The following LCA5L variants were observed in gnomAD, a reference collection of about 807,000 sequenced individuals.
LCA5L encodes the protein lebercilin-like protein.
A neutral mutation model predicts 45.4 loss-of-function variants in LCA5L; 35 were observed. That is an observed-to-expected ratio of 0.77 (90% confidence interval 0.59 to 1.02). The LOEUF is 1.02. Ranked by LOEUF, LCA5L falls within the 50% of genes least tolerant of loss-of-function variation. The pLI, the probability that LCA5L is intolerant of heterozygous loss-of-function variation, is 0.00. For synonymous variants in LCA5L, 233 were observed against 264.7 expected, an observed-to-expected ratio of 0.88 and a Z score of 1.16; for missense variants, 668 against 761.6, an observed-to-expected ratio of 0.88 and a Z score of 1.45.
At chr21:39,441,639 C>T (rs1471493347) in intron 2 of LCA5L, among the ~76,000 whole-genome samples, 1 of 152,172 alleles carries the variant, frequency 6.6e-6, no homozygotes, top group Non-Finnish European at 1.5e-5. Flanking sequence ...TTTGAATTCA[C>T]TACCCGACTG....
chr21:39,433,953 GAGAC>G (rs1601937498), intron 3 of LCA5L, among the ~76,000 whole-genome samples: 1 of 120,488 alleles, frequency 8.3e-6, no homozygotes, highest in East Asian at 2.5e-4. Context: ...TTTTTTTGTA[GAGAC>G]AGAGTTTTGC....
At chr21:39,421,073 C>T (rs1045569603) in intron 6 of LCA5L, among the ~76,000 whole-genome samples, 2 of 150,802 alleles carry the variant, frequency 1.3e-5, no homozygotes, top group Non-Finnish European at 3.0e-5. Flanking sequence ...CTGTTTTTTA[C>T]ATACTCTAAA....
chr21:39,432,091 G>C (rs181171520), intron 3 of LCA5L, among the ~76,000 whole-genome samples: 1 of 152,258 alleles, frequency 6.6e-6, no homozygotes, highest in East Asian at 1.9e-4. Flanking sequence ...TGTCATGAAT[G>C]CTTTATAGAG....
At chr21:39,423,724 A>G (rs184117034) in intron 5 of LCA5L, among the ~76,000 whole-genome samples, 1 of 152,334 alleles carries the variant, frequency 6.6e-6, no homozygotes, top group Non-Finnish European at 1.5e-5. Flanking sequence ...CAGTTGTAAT[A>G]TATTTTATAG....
At chr21:39,407,030 C>A (rs2039184494) in intron 10 of LCA5L, among the ~76,000 whole-genome samples, 1 of 152,104 alleles carries the variant, frequency 6.6e-6, no homozygotes, top group South Asian at 2.1e-4. Context: ...AGTCTGAGAC[C>A]AGCCTGGGCA....
intron 7 of LCA5L, among the ~76,000 whole-genome samples, chr21:39,416,566 T>C (rs940014467): frequency 1.3e-5 from 2 of 152,190 alleles, no homozygotes; most frequent in Admixed American, 1.3e-4. Context: ...CTGGAGGTGT[T>C]CATTGCTCCT....
In LCA5L at chr21:39,406,612, T is replaced by C. The variant is rs1304717028; in HGVS notation, c.1283A>G (p.Asp428Gly). 5.1e-6 allele frequency: 8 copies of C among 1,563,566 alleles called. No homozygotes were observed. Among genetic ancestry groups the C allele is most frequent in the African/African-American group, 1.4e-5 (1 of 72,348 alleles). The stretch of plus-strand genomic sequence containing the variant: ...CAAATGTTTCTCTTCCCCTGATAAA[T>C]CTATATTAGAAAAATAGGCAATTTA... ...KQEDSKRKYEDLSGEEKHLEV... is the reference protein window; with the variant it reads ...KQEDSKRKYEGLSGEEKHLEV... The change falls in exon 11 of 11, where the codon GAT becomes GGT. Residue 428 changes from aspartate to glycine, a missense_variant and splice_region_variant. By Grantham distance (94) the Asp-to-Gly change is moderately conservative. Coordinates refer to ENST00000288350, the MANE Select transcript of LCA5L (RefSeq NM_152505.4).
At position 39,423,390 on chromosome 21, in the gene LCA5L, A is replaced by G. The variant is rs1244909642; in HGVS notation, c.423T>C (p.His141=). 1 of 1,611,376 alleles carries G rather than the reference A, an allele frequency of 6.2e-7. No homozygotes were observed. Among genetic ancestry groups the G allele is most frequent in the African/African-American group, 1.3e-5 (1 of 75,030 alleles). The stretch of plus-strand genomic sequence containing the variant: ...TATGAAGCCTTGCTGAGAGTATTCG[A>G]TGAGCCATAGCATCTCTTCTTTGGG... The part of the protein sequence containing the change: ...MIAQRRDAMA[H]RILSARLHKI... The change falls in exon 6 of 11, where the codon CAT becomes CAC. Residue 141 remains histidine (H), a synonymous_variant. Transcript: ENST00000288350.
Position 39,409,398 on chromosome 21 carries a change from CAG to C in LCA5L, c.1282+579_1282+580del, listed in dbSNP as rs1177337350. 6.6e-6 allele frequency among the ~76,000 whole-genome samples: 1 copy of C among 151,980 alleles called. No homozygotes were observed. Among genetic ancestry groups the C allele is most frequent in the African/African-American group, 2.4e-5 (1 of 41,362 alleles). ...AGACGAATGTAGCTACATATAAAGA[CAG>C]GGAGCTGTGAGGGAAAGCAAGGGAA... On this transcript the variant is annotated intron_variant, in intron 10 of 10. Coordinates refer to ENST00000288350, the MANE Select transcript of LCA5L (RefSeq NM_152505.4). This position sits in a 1 kb window ranked among gnomAD's most constrained non-coding sequence, Gnocchi z 4.2.
chr21:39,406,568 C>T lies in LCA5L; in HGVS notation c.1327G>A (p.Glu443Lys), dbSNP rs766520744. 1.1e-5 allele frequency: 17 copies of T among 1,604,418 alleles called. No homozygotes were observed. The South Asian group carries it at 1.1e-4, about 11-fold the overall frequency. ...TTGTCTTTTTGTCTTCCAGTATTCT[C>T]CAGCAGTATTTGGACTTCCAAATGT... The part of the protein sequence containing the change: ...EKHLEVQILL[E>K]NTGRQKDKKE... The change falls in exon 11 of 11, where the codon GAG becomes AAG. Residue 443 changes from glutamate to lysine, a missense_variant. Coordinates refer to ENST00000288350, the MANE Select transcript of LCA5L (RefSeq NM_152505.4).
Position 39,423,163 on chromosome 21 carries a change from G to A in LCA5L, c.650C>T (p.Ser217Phe), listed in dbSNP as rs769072025. The change falls in exon 6 of 11, where the codon TCC (serine) becomes TTC (phenylalanine). Residue 217 changes from serine to phenylalanine, a missense_variant. Ser to Phe is a radical substitution (Grantham distance 155). Transcript: ENST00000288350. ...VKNLRQLLRK[S>F]QEKERTLSRK... ...AGATAGAGTTCTTTCCTTTTCCTGGGATTTCCTAAGTAGTTGCCTTAAATT... is the reference window on the plus strand; with the variant it reads ...AGATAGAGTTCTTTCCTTTTCCTGGAATTTCCTAAGTAGTTGCCTTAAATT... 1.2e-6 allele frequency: 2 copies of A among 1,613,414 alleles called. No homozygotes were observed. Among genetic ancestry groups the A allele is most frequent in the Non-Finnish European group, 1.7e-6 (2 of 1,179,804 alleles).
In LCA5L at chr21:39,423,304, G is replaced by C. The variant is rs2074062688; in HGVS notation, c.509C>G (p.Thr170Arg). The C allele has an allele frequency of 6.2e-7, 1 of 1,610,386 alleles. No individual in the cohort carries two copies. Among genetic ancestry groups the C allele is most frequent in the African/African-American group, 1.3e-5 (1 of 74,756 alleles). Residue 170 changes from threonine to arginine, a missense_variant, in exon 6 of 11, where the codon ACA becomes AGA. Transcript: ENST00000288350. ...AAGTTGTTTCAAAAATTGGTTTTCT[G>C]TAAGGATGGCTTCCAATTTATGATG... ...DMHHKLEAIL[T>R]ENQFLKQLQL...
intron 7 of LCA5L, among the ~76,000 whole-genome samples, chr21:39,415,417 C>T (rs1267214969): frequency 6.6e-6 from 1 of 152,152 alleles, no homozygotes; most frequent in Non-Finnish European, 1.5e-5. Context: ...CCTCCATGAG[C>T]CCATGAACCA....
intron 7 of LCA5L, among the ~76,000 whole-genome samples, chr21:39,418,521 G>C (rs1387219979): frequency 6.6e-6 from 1 of 151,334 alleles, no homozygotes; most frequent in African/African-American, 2.4e-5. Flanking sequence ...ATTTTTTTGA[G>C]ATGGAGCCTC....
At chr21:39,424,926 T>C (rs1207805558) in intron 5 of LCA5L, among the ~76,000 whole-genome samples, 2 of 152,210 alleles carry the variant, frequency 1.3e-5, no homozygotes, top group African/African-American at 4.8e-5. Flanking sequence ...GATAAACACA[T>C]GGAAGCTTGG....
intron 2 of LCA5L, chr21:39,436,198 C>A (rs1199503954): frequency 6.6e-6 from 1 of 152,114 alleles, no homozygotes; most frequent in Non-Finnish European, 1.5e-5. Flanking sequence ...AAAAAGACGA[C>A]CCTCTTGGTA....
Position 39,406,460 on chromosome 21 carries a change from C to T in LCA5L, c.1435G>A (p.Glu479Lys). ...PPKIIEVIHP[E>K]RESNQEDVLV... is the part of the protein sequence containing the mutation. Reference sequence around the variant, plus strand: ...ACATCTTCTTGATTGCTTTCTCTTTCAGGATGAATAACTTCAATTATTTTT... The same window carrying T: ...ACATCTTCTTGATTGCTTTCTCTTTTAGGATGAATAACTTCAATTATTTTT... Residue 479 changes from glutamate to lysine, a missense_variant, in exon 11 of 11, where the codon GAA (glutamate) becomes AAA (lysine). Physicochemically the swap from Glu to Lys is moderately conservative, Grantham distance 56. Coordinates refer to ENST00000288350, the MANE Select transcript of LCA5L (RefSeq NM_152505.4). The T allele has an allele frequency of 6.2e-7, 1 of 1,614,008 alleles. No homozygotes were observed. Among genetic ancestry groups the T allele is most frequent in the African/African-American group, 1.3e-5 (1 of 75,042 alleles).
rs375427497 is a variant in LCA5L at position 39,410,643 on chromosome 21, T to C, written c.1061-276A>G. 1.2e-3 allele frequency among the ~76,000 whole-genome samples: 178 copies of C among 152,208 alleles called. 1 individual carries two copies. Among genetic ancestry groups the C allele is most frequent in the Non-Finnish European group, 2.0e-3 (134 of 68,008 alleles). Reference sequence around the variant, plus strand: ...GGAGGACAAGGCTGTCCTTTGTGGATGGGATTCAGCAAGGTAGACGTGTAA... The same window carrying C: ...GGAGGACAAGGCTGTCCTTTGTGGACGGGATTCAGCAAGGTAGACGTGTAA... On this transcript the variant is annotated intron_variant, in intron 8 of 10. Coordinates refer to ENST00000288350, the MANE Select transcript of LCA5L (RefSeq NM_152505.4).
At chr21:39,439,900 T>A (rs1244830931) in intron 2 of LCA5L, 1 of 152,148 alleles carries the variant, frequency 6.6e-6, no homozygotes, top group Non-Finnish European at 1.5e-5. Flanking sequence ...ATATTTAGAA[T>A]CATGGGGTCA....
Sources: gnomAD v4.1 joint callset for allele counts (sites outside exome capture counted in the v4.1 genomes callset) on GRCh38, gnomAD v4.1.1 for gene constraint, Gnocchi (gnomAD v3.1) non-coding constraint, MANE v1.5 for transcripts, NCBI Gene and HGNC (gene_info 2026-07-23, HGNC 2026-07-21) for gene names.